SAMD5: variants seen among roughly 807,000 people sequenced by gnomAD.
SAMD5 encodes the protein sterile alpha motif domain containing 5, also known as sterile alpha motif domain-containing protein 5.
SAMD5 carries 13 observed loss-of-function variants against 11.3 expected under a neutral mutation model. That is an observed-to-expected ratio of 1.15 (90% CI 0.75 to 1.83). The LOEUF (loss-of-function observed/expected upper bound fraction) is 1.83, where lower values mean the gene tolerates loss of function less well. SAMD5 is among the 40% of genes most tolerant of loss of function. The probability of loss-of-function intolerance (pLI) is 0.00; values close to 1 mark genes in which losing one functional copy is unlikely to be tolerated. For synonymous variants in SAMD5, 129 were observed against 111.3 expected (o/e 1.16, Z -1.00); for missense variants, 255 against 239.1 (o/e 1.07, Z -0.44).
chr6:147,517,135 C>T (rs540819927), intron 1 of SAMD5, among the ~76,000 whole-genome samples: 103 of 152,304 alleles, frequency 6.8e-4, no homozygotes, highest in Middle Eastern at 3.4e-3. Flanking sequence ...ATTTCAATCA[C>T]TAGATCCAAA....
intron 1 of SAMD5, among the ~76,000 whole-genome samples, chr6:147,688,506 C>T (rs570577403): frequency 1.3e-5 from 2 of 152,270 alleles, no homozygotes; most frequent in South Asian, 2.1e-4. Flanking sequence ...TTTAACCTTG[C>T]GAATGCTGGT....
chr6:147,941,098 T>C, the SAMD5 span, among the ~76,000 whole-genome samples: 50,442 of 152,108 alleles, frequency 0.33, 8,886 homozygotes, highest in South Asian at 0.53. Flanking sequence ...ACTTTTTTCT[T>C]CAAGTTACTA....
chr6:147,921,053 C>T, the SAMD5 span, among the ~76,000 whole-genome samples: 1 of 152,056 alleles, frequency 6.6e-6, no homozygotes, highest in Non-Finnish European at 1.5e-5. Context: ...TTAATTCATT[C>T]CTTAATCACA....
the SAMD5 span, among the ~76,000 whole-genome samples, chr6:147,807,578 T>G: frequency 6.6e-6 from 1 of 152,154 alleles, no homozygotes; most frequent in African/African-American, 2.4e-5. Flanking sequence ...TCTTTGGTCT[T>G]TTCGCCACAC....
the SAMD5 span, among the ~76,000 whole-genome samples, chr6:147,898,685 G>T: frequency 6.6e-6 from 1 of 152,120 alleles, no homozygotes; most frequent in East Asian, 1.9e-4. Context: ...TTACCTTTAA[G>T]AATTTGGGGA....
chr6:147,786,039 C>T, the SAMD5 span, among the ~76,000 whole-genome samples: 1 of 152,122 alleles, frequency 6.6e-6, no homozygotes, highest in East Asian at 1.9e-4. Flanking sequence ...GCTGTAATTA[C>T]AGCAGGAAGG....
At chr6:147,621,953 A>G (rs556803874) in intron 1 of SAMD5, among the ~76,000 whole-genome samples, 1 of 152,334 alleles carries the variant, frequency 6.6e-6, no homozygotes, top group South Asian at 2.1e-4. Flanking sequence ...CTGAACGGAT[A>G]AAATGATTCT....
intron 1 of SAMD5, among the ~76,000 whole-genome samples, chr6:147,606,875 G>A (rs532533003): frequency 6.7e-6 from 1 of 149,870 alleles, no homozygotes; most frequent in Admixed American, 6.7e-5. Context: ...TCCAGAGAAT[G>A]TATTTTCAAT....
chr6:147,614,825 T>A (rs1410655733), intron 1 of SAMD5, among the ~76,000 whole-genome samples: 3 of 151,998 alleles, frequency 2.0e-5, no homozygotes, highest in Admixed American at 1.3e-4. Flanking sequence ...TTTTGCATTT[T>A]ACCATAGAGT....
chr6:147,606,962 C>T (rs1287439079), intron 1 of SAMD5, among the ~76,000 whole-genome samples: 2 of 62,252 alleles, frequency 3.2e-5, no homozygotes, highest in African/African-American at 2.1e-4. Context: ...GCAGCTTTAT[C>T]CAAAAAAAAA....
At chr6:147,513,861 C>T (rs979301497) in intron 1 of SAMD5, among the ~76,000 whole-genome samples, 8 of 152,104 alleles carry the variant, frequency 5.3e-5, no homozygotes, top group African/African-American at 1.7e-4. Flanking sequence ...AGAACAGAAT[C>T]ACTTCATGGG....
At chr6:147,583,629 T>C (rs899817664) in intron 1 of SAMD5, among the ~76,000 whole-genome samples, 20 of 152,068 alleles carry the variant, frequency 1.3e-4, no homozygotes, top group African/African-American at 4.8e-4. Context: ...ATCTAGAAGG[T>C]TACAGGTAAT....
the SAMD5 span, among the ~76,000 whole-genome samples, chr6:147,928,129 T>G: frequency 6.6e-6 from 1 of 152,138 alleles, no homozygotes; most frequent in South Asian, 2.1e-4. Context: ...GATGTGTTCT[T>G]TTTTTGGTTG....
At chr6:147,523,836 T>C (rs961968278) in intron 1 of SAMD5, among the ~76,000 whole-genome samples, 4 of 152,188 alleles carry the variant, frequency 2.6e-5, no homozygotes, top group African/African-American at 9.6e-5. Context: ...TATAGGCATC[T>C]GAAGAAAGGA....
intron 1 of SAMD5, among the ~76,000 whole-genome samples, chr6:147,512,918 G>T (rs151006294): frequency 1.3e-5 from 2 of 152,202 alleles, no homozygotes; most frequent in Non-Finnish European, 2.9e-5. Flanking sequence ...ATCCAACCCA[G>T]TTTGCAGGGA....
chr6:147,891,732 A>G, the SAMD5 span, among the ~76,000 whole-genome samples: 1 of 152,162 alleles, frequency 6.6e-6, no homozygotes, highest in East Asian at 1.9e-4. Flanking sequence ...TCTAAGATGA[A>G]AGCTCATCAG....
the SAMD5 span, among the ~76,000 whole-genome samples, chr6:147,755,182 A>T: frequency 3.9e-5 from 6 of 152,040 alleles, no homozygotes; most frequent in African/African-American, 1.4e-4. Context: ...TGATTCTTCC[A>T]ATTCATGAAC....
the SAMD5 span, among the ~76,000 whole-genome samples, chr6:147,786,525 G>C: frequency 6.6e-6 from 1 of 152,194 alleles, no homozygotes; most frequent in Admixed American, 6.5e-5. Flanking sequence ...ACCTAGTTAA[G>C]AGACCTTGAA....
intron 1 of SAMD5, chr6:147,660,659 C>CGATCTG (rs75270989): frequency 2.6e-5 from 4 of 152,132 alleles, no homozygotes; most frequent in African/African-American, 9.7e-5. Flanking sequence ...AGTTCTCAGG[C>CGATCTG]GATCTGGATC....
Sources: gnomAD v4.1 joint callset for allele counts (sites outside exome capture counted in the v4.1 genomes callset) on GRCh38, gnomAD v4.1.1 for gene constraint, MANE v1.5 for transcripts, NCBI Gene and HGNC (gene_info 2026-07-23, HGNC 2026-07-21) for gene names.